AATF: variants seen among roughly 807,000 people sequenced by gnomAD.
AATF encodes the protein protein AATF.
Under a neutral mutation model 63.7 loss-of-function variants are expected in AATF, and 48 were observed. That is an observed-to-expected ratio of 0.75 (90% CI 0.60 to 0.96). The LOEUF (loss-of-function observed/expected upper bound fraction) is 0.96, where lower values mean the gene tolerates loss of function less well. Among genes scored for constraint, AATF ranks in the 40% least tolerant of loss-of-function variants. The probability of loss-of-function intolerance (pLI) is 0.00; values close to 1 mark genes in which losing one functional copy is unlikely to be tolerated. For synonymous variants in AATF, 258 were observed against 247.7 expected (o/e 1.04, Z -0.39); for missense variants, 639 against 685.7 (o/e 0.93, Z 0.76).
intron 11 of AATF, among the ~76,000 whole-genome samples, chr17:37,048,363 C>CTTTTTTTTTTTT (rs60374815): frequency 1.4e-5 from 1 of 70,842 alleles, no homozygotes; most frequent in Non-Finnish European, 2.7e-5. Flanking sequence ...TTTTTCTTTT[C>CTTTTTTTTTTTT]TTTTTTTTTT....
intron 8 of AATF, among the ~76,000 whole-genome samples, chr17:37,016,170 A>C (rs1222678485): frequency 6.6e-6 from 1 of 152,200 alleles, no homozygotes; most frequent in Non-Finnish European, 1.5e-5. Context: ...ATTTATGAAA[A>C]TATGCACACA....
chr17:36,960,057 AG>A, intron 4 of AATF, among the ~76,000 whole-genome samples: 1 of 150,974 alleles, frequency 6.6e-6, no homozygotes, highest in Non-Finnish European at 1.5e-5. Context: ...TCTGTCGCCG[AG>A]GCTGGAGTGC....
intron 8 of AATF, among the ~76,000 whole-genome samples, chr17:37,000,797 T>A (rs553782693): frequency 6.6e-6 from 1 of 152,148 alleles, no homozygotes; most frequent in African/African-American, 2.4e-5. Context: ...ACCAGTGATG[T>A]AAGAGAGAAT....
chr17:36,981,702 C>CTTTTTTTTTTTTTTT (rs71368433), intron 4 of AATF, among the ~76,000 whole-genome samples: 2 of 110,474 alleles, frequency 1.8e-5, no homozygotes, highest in African/African-American at 7.0e-5. Flanking sequence ...TCTTTCTTTT[C>CTTTTTTTTTTTTTTT]TTTTTTTTTT....
chr17:37,009,693 T>C (rs2071371511), intron 8 of AATF, among the ~76,000 whole-genome samples: 1 of 150,284 alleles, frequency 6.7e-6, no homozygotes, highest in Non-Finnish European at 1.5e-5. Flanking sequence ...GGCGGGCGCC[T>C]GTAGTCCCAG....
chr17:36,964,452 G>A (rs1409067834), intron 4 of AATF, among the ~76,000 whole-genome samples: 2 of 151,920 alleles, frequency 1.3e-5, no homozygotes. Context: ...GGTTGCGGTG[G>A]GCCAAGATTG....
At chr17:37,041,896 C>CCATT (rs2071643507) in intron 11 of AATF, among the ~76,000 whole-genome samples, 1 of 152,164 alleles carries the variant, frequency 6.6e-6, no homozygotes, top group South Asian at 2.1e-4. Context: ...TTATTGAGGA[C>CCATT]ATATAATATG....
intron 10 of AATF, 59 bp downstream of exon 10, chr17:37,021,073 A>G: frequency 8.2e-7 from 1 of 1,223,052 alleles, no homozygotes; most frequent in South Asian, 1.6e-5. Context: ...CGTCTCTTAC[A>G]TTCTGGCTGT....
At chr17:37,048,776 C>G (rs1296531259) in intron 11 of AATF, among the ~76,000 whole-genome samples, 1 of 152,184 alleles carries the variant, frequency 6.6e-6, no homozygotes, top group Non-Finnish European at 1.5e-5. Context: ...GGGCGATTGC[C>G]TGCCATTTGG....
At chr17:37,006,781 T>C (rs1473438122) in intron 8 of AATF, among the ~76,000 whole-genome samples, 1 of 152,238 alleles carries the variant, frequency 6.6e-6, no homozygotes, top group Non-Finnish European at 1.5e-5. Context: ...TGAAGTATTT[T>C]AGGGCTTGTG....
intron 8 of AATF, among the ~76,000 whole-genome samples, chr17:37,012,699 T>A (rs1262205430): frequency 6.6e-6 from 1 of 152,190 alleles, no homozygotes. Context: ...AAAGCCAAAA[T>A]GCTTTTAAAG....
chr17:37,055,327 T>A (rs1345419560), intron 11 of AATF: 1 of 152,220 alleles, frequency 6.6e-6, no homozygotes, highest in Non-Finnish European at 1.5e-5. Context: ...TAAGATGTTT[T>A]TCTTTTGACT....
chr17:36,961,016 C>A (rs992569657), intron 4 of AATF, among the ~76,000 whole-genome samples: 2 of 152,084 alleles, frequency 1.3e-5, no homozygotes, highest in Non-Finnish European at 2.9e-5. Context: ...GATGAATATC[C>A]TTCCAGACCT....
chr17:37,056,401 A>G (rs2071798221), intron 11 of AATF, 200 bp from the exon 12 acceptor site: 2 of 586,602 alleles, frequency 3.4e-6, no homozygotes, highest in Non-Finnish European at 6.0e-6. Context: ...GCCGCACTGG[A>G]CCATTTACAT....
intron 11 of AATF, chr17:37,052,273 A>T (rs1276211395): frequency 6.6e-6 from 1 of 152,192 alleles, no homozygotes; most frequent in Non-Finnish European, 1.5e-5. Context: ...ATCTGATGGA[A>T]CAAGGTTAAC....
intron 1 of AATF, 107 bp from the exon 2 acceptor site, chr17:36,950,107 G>A (rs2070841397): frequency 3.2e-6 from 4 of 1,243,672 alleles, no homozygotes; most frequent in Non-Finnish European, 4.5e-6. Context: ...AGTTGGTGGG[G>A]ATTTCGTAAA....
At chr17:36,992,864 A>G (rs191971563) in intron 8 of AATF, among the ~76,000 whole-genome samples, 1 of 152,346 alleles carries the variant, frequency 6.6e-6, no homozygotes, top group East Asian at 1.9e-4. Flanking sequence ...GCCAGGCACA[A>G]CTTTATCTTG....
chr17:36,959,072 G>T (rs746785718), intron 4 of AATF, among the ~76,000 whole-genome samples: 6 of 152,072 alleles, frequency 3.9e-5, no homozygotes, highest in Non-Finnish European at 5.9e-5. Context: ...TTAAACTCGG[G>T]AGGTGGAGGT....
At chr17:37,040,195 A>G (rs1016721814) in intron 11 of AATF, among the ~76,000 whole-genome samples, 4 of 152,212 alleles carry the variant, frequency 2.6e-5, no homozygotes, top group Admixed American at 2.6e-4. Context: ...CCGGTAGGCA[A>G]TAGCTAAGTT....
Sources: gnomAD v4.1 joint callset for allele counts (sites outside exome capture counted in the v4.1 genomes callset) on GRCh38, gnomAD v4.1.1 for gene constraint, MANE v1.5 for transcripts, NCBI Gene and HGNC (gene_info 2026-07-23, HGNC 2026-07-21) for gene names.